The following SOCS7 variants were observed in gnomAD, a reference collection of about 807,000 sequenced individuals.
SOCS7 encodes suppressor of cytokine signaling 7.
Under a neutral mutation model 58.9 loss-of-function variants are expected in SOCS7, and 18 were observed. The ratio of observed to expected loss-of-function variants is 0.31; its 90% CI spans 0.21 to 0.45. The LOEUF is 0.45. Ranked by LOEUF, SOCS7 falls within the 20% of genes least tolerant of loss-of-function variation. The probability of loss-of-function intolerance (pLI) is 1.00; values close to 1 mark genes in which losing one functional copy is unlikely to be tolerated. For missense variants in SOCS7, 667 were observed against 837.3 expected, an observed-to-expected ratio of 0.80 and a Z score of 2.51; for synonymous variants, 388 against 364.3, an observed-to-expected ratio of 1.06 and a Z score of -0.74.
intron 7 of SOCS7, among the ~76,000 whole-genome samples, chr17:38,387,131 ATG>A (rs1555570694): frequency 1.8e-4 from 16 of 87,908 alleles, no homozygotes; most frequent in Middle Eastern, 5.6e-3. Context: ...ATATATATGT[ATG>A]TATATATATA....
intron 9 of SOCS7, among the ~76,000 whole-genome samples, chr17:38,396,225 G>A (rs781241002): frequency 5.9e-5 from 9 of 152,222 alleles, no homozygotes; most frequent in Non-Finnish European, 1.0e-4. Flanking sequence ...GCCAGGAAAC[G>A]TGCAAGCTAA....
intron 5 of SOCS7, among the ~76,000 whole-genome samples, chr17:38,366,775 C>T (rs772399243): frequency 2.0e-5 from 3 of 152,116 alleles, no homozygotes; most frequent in Admixed American, 6.5e-5. Context: ...GGATTATAGG[C>T]GTAAGCCACC....
chr17:38,395,294 T>A lies in SOCS7; in HGVS notation c.1682-15T>A, dbSNP rs2038230954. On this transcript the variant is annotated splice_polypyrimidine_tract_variant and intron_variant, in intron 7 of 9. Transcript: ENST00000612932. The stretch of plus-strand genomic sequence containing the variant: ...TGTTTCCTCTGAATACTTTCCTTTG[T>A]TTTCTTTCTTGAAGGACTGCCACCA... 3 of 1,612,866 alleles carry A rather than the reference T, an allele frequency of 1.9e-6. No individual in the cohort carries two copies. The highest frequency in any genetic ancestry group is 2.5e-6 in the Non-Finnish European group (3 of 1,179,188).
intron 1 of SOCS7, among the ~76,000 whole-genome samples, chr17:38,354,061 C>T (rs1234922864): frequency 1.3e-5 from 2 of 152,118 alleles, no homozygotes; most frequent in Non-Finnish European, 2.9e-5. Flanking sequence ...AGTTTTTTTC[C>T]TGCATTTCTG....
chr17:38,369,527 T>C (rs1489927058), intron 6 of SOCS7, among the ~76,000 whole-genome samples: 1 of 152,140 alleles, frequency 6.6e-6, no homozygotes, highest in Non-Finnish European at 1.5e-5. Context: ...AAAAACAAAA[T>C]GTGAAGCGGA....
At chr17:38,354,669 C>T (rs747719499) in intron 1 of SOCS7, among the ~76,000 whole-genome samples, 2 of 152,098 alleles carry the variant, frequency 1.3e-5, no homozygotes, top group African/African-American at 2.4e-5. Flanking sequence ...GCTCTGTATT[C>T]GATGCTCCAC....
chr17:38,356,658 C>T (rs1251392896), intron 1 of SOCS7, among the ~76,000 whole-genome samples: 1 of 152,076 alleles, frequency 6.6e-6, no homozygotes, highest in Admixed American at 6.6e-5. Flanking sequence ...AGCCACCACG[C>T]CCAGCTGACT....
intron 7 of SOCS7, among the ~76,000 whole-genome samples, chr17:38,379,950 G>C (rs2037980200): frequency 6.6e-6 from 1 of 152,198 alleles, no homozygotes; most frequent in Admixed American, 6.5e-5. Flanking sequence ...CAGGAAGGAA[G>C]ACAAAGGTCA....
intron 7 of SOCS7, 90 bp downstream of exon 7, chr17:38,377,932 T>G (rs2037952530): frequency 7.7e-7 from 1 of 1,303,052 alleles, no homozygotes; most frequent in African/African-American, 1.5e-5. Flanking sequence ...AAGGCCATGG[T>G]TAAGCTTTTT....
intron 7 of SOCS7, among the ~76,000 whole-genome samples, chr17:38,382,205 G>T (rs1411142224): frequency 6.6e-6 from 1 of 151,834 alleles, no homozygotes; most frequent in East Asian, 1.9e-4. Flanking sequence ...GAGGTGGAAG[G>T]ATTGTTTGAG....
At chr17:38,374,964 A>G (rs988267645) in intron 6 of SOCS7, among the ~76,000 whole-genome samples, 2 of 152,212 alleles carry the variant, frequency 1.3e-5, no homozygotes, top group African/African-American at 4.8e-5. Context: ...TTTTAGAGAA[A>G]TGAAAAAGCA....
intron 7 of SOCS7, among the ~76,000 whole-genome samples, chr17:38,381,994 T>C (rs2038009253): frequency 7.8e-6 from 1 of 128,708 alleles, no homozygotes; most frequent in Non-Finnish European, 1.6e-5. Flanking sequence ...ACTAAACCCC[T>C]AACACCAGAC....
chr17:38,390,679 CCT>C (rs2144394715), intron 7 of SOCS7, among the ~76,000 whole-genome samples: 1 of 137,582 alleles, frequency 7.3e-6, no homozygotes, highest in African/African-American at 2.7e-5. Context: ...TTCCTTCCTT[CCT>C]TCCTTCCTTC....
intron 6 of SOCS7, among the ~76,000 whole-genome samples, chr17:38,370,263 G>A (rs2037845317): frequency 6.6e-6 from 1 of 152,224 alleles, no homozygotes; most frequent in Admixed American, 6.5e-5. Context: ...TTCCCAAAGT[G>A]CTGGGATGAC....
At chr17:38,376,439 A>G (rs1408167994) in intron 6 of SOCS7, among the ~76,000 whole-genome samples, 1 of 152,120 alleles carries the variant, frequency 6.6e-6, no homozygotes, top group African/African-American at 2.4e-5. Context: ...TTTCTTATCA[A>G]CGTTACAAGG....
rs71138614 is a variant in SOCS7, at chr17:38,384,891, CTT to C, written c.1681+7072_1681+7073del. On this transcript the variant is annotated intron_variant, in intron 7 of 9. Coordinates refer to ENST00000612932, the MANE Select transcript of SOCS7 (RefSeq NM_014598.4). ...CAGGCGTGAGCCACTGCACCCAGCT[CTT>C]TTTTTTTTTTTTTTTTTTTTTTGAC... 4.8e-3 allele frequency among the ~76,000 whole-genome samples: 367 copies of C among 76,656 alleles called. 1 individual carries two copies. Among genetic ancestry groups the C allele is most frequent in the African/African-American group, 0.02 (339 of 16,828 alleles). 50.3% of individuals were successfully genotyped at this position (76,656 alleles called of 152,430 possible). A position where few individuals can be genotyped will look rare whatever the true frequency, so the allele number is the denominator to read the frequency against.
At chr17:38,369,452 G>C (rs1444569789) in intron 6 of SOCS7, among the ~76,000 whole-genome samples, 1 of 152,122 alleles carries the variant, frequency 6.6e-6, no homozygotes, top group Non-Finnish European at 1.5e-5. Context: ...TAGATAACTA[G>C]GTGGGATAGG....
At chr17:38,367,528 C>A (rs587683339) in intron 5 of SOCS7, among the ~76,000 whole-genome samples, 1 of 151,830 alleles carries the variant, frequency 6.6e-6, no homozygotes, top group South Asian at 2.1e-4. Flanking sequence ...CATGTGCCAC[C>A]AAACCCAGCT....
chr17:38,370,116 A>G (rs1017588806), intron 6 of SOCS7, among the ~76,000 whole-genome samples: 6 of 150,498 alleles, frequency 4.0e-5, no homozygotes, highest in Non-Finnish European at 7.4e-5. Flanking sequence ...TTGTAACTCA[A>G]CCTCCCAAGT....
Sources: allele counts gnomAD v4.1 joint callset (sites outside exome capture counted in the v4.1 genomes callset), GRCh38; gene constraint gnomAD v4.1.1; transcripts MANE v1.5; gene names NCBI Gene and HGNC (gene_info 2026-07-23, HGNC 2026-07-21).